The following CCN2 variants were observed in gnomAD, a reference collection of about 807,000 sequenced individuals.
CCN2 encodes CCN family member 2.
CCN2 carries 22 observed loss-of-function variants against 33.2 expected under a neutral mutation model. The observed-to-expected ratio is 0.66, with a 90% CI of 0.47 to 0.95. The LOEUF is 0.95. Among genes scored for constraint, CCN2 ranks in the 40% least tolerant of loss-of-function variants. The probability of loss-of-function intolerance (pLI) is 0.00; values close to 1 mark genes in which losing one functional copy is unlikely to be tolerated. For synonymous variants in CCN2, 178 were observed against 200.6 expected (o/e 0.89, Z 0.95); for missense variants, 469 against 498.8 (o/e 0.94, Z 0.57).
In CCN2 at chr6:131,949,343, G is replaced by C. The variant is rs760206555; in HGVS notation, c.971C>G (p.Ala324Gly). 2.5e-6 allele frequency: 4 copies of C among 1,614,162 alleles called. No individual in the cohort carries two copies. Among genetic ancestry groups the C allele is most frequent in the Non-Finnish European group, 3.4e-6 (4 of 1,180,004 alleles). ...GTCTCCGGGACAGTTGTAATGGCAG[G>C]CACAGGTCTTGATGAACATCATGTT... is the stretch of plus-strand genomic sequence containing the variant. ...KKNMMFIKTC[A>G]CHYNCPGDND... The change falls in exon 5 of 5, where the codon GCC becomes GGC. Residue 324 changes from alanine to glycine, a missense_variant. Transcript: ENST00000367976.
intron 4 of CCN2, 151 bp from the exon 5 acceptor site, chr6:131,949,711 G>A: frequency 4.4e-6 from 4 of 899,994 alleles, no homozygotes; most frequent in Non-Finnish European, 6.8e-6. Context: ...CATTTGCTAT[G>A]TCCAAAAATA....
Position 131,949,998 on chromosome 6 carries a change from C to T in CCN2, c.704G>A (p.Arg235His). Residue 235 changes from arginine to histidine, a missense_variant, in exon 4 of 5, where the codon CGC becomes CAC. Transcript: ENST00000367976. ...TTCGCAAGGCCTGACCATGCACAGG[C>T]GGCTCTGCTTCTCTAGCCTGCAGGA... is the stretch of plus-strand genomic sequence containing the variant. ...NASCRLEKQS[R>H]LCMVRPCEAD... The T allele has an allele frequency of 1.9e-6, 3 of 1,614,230 alleles. No homozygotes were observed. The highest frequency in any genetic ancestry group is 2.5e-6 in the Non-Finnish European group (3 of 1,180,042).
Position 131,949,277 on chromosome 6 carries a change from C to T in CCN2, c.1037G>A (p.Gly346Glu), listed in dbSNP as rs1286434015. 1.2e-6 allele frequency: 2 copies of T among 1,613,704 alleles called. No homozygotes were observed. Among genetic ancestry groups the T allele is most frequent in the African/African-American group, 1.3e-5 (1 of 74,936 alleles). Residue 346 changes from glycine (G) to glutamate (E), a missense_variant, in exon 5 of 5, where the codon GGA becomes GAA. Transcript: ENST00000367976. ...FESLYYRKMY[G>E]DMA The stretch of plus-strand genomic sequence containing the variant: ...CACTCTCTGGCTTCATGCCATGTCT[C>T]CGTACATCTTCCTGTAGTACAGCGA...
chr6:131,948,664 A>C lies in CCN2; in HGVS notation c.*600T>G, dbSNP rs574681026. On this transcript the variant is annotated 3_prime_UTR_variant, in exon 5 of 5. Coordinates refer to ENST00000367976, the MANE Select transcript of CCN2 (RefSeq NM_001901.4). ...ATATACACACACACACACACACACAATATTTACAATATAAATTTTAAAAAA... is the reference window on the plus strand; with the variant it reads ...ATATACACACACACACACACACACACTATTTACAATATAAATTTTAAAAAA... The C allele has an allele frequency of 6.4e-6, 1 of 157,012 alleles. No individual in the cohort carries two copies. The highest frequency in any genetic ancestry group is 1.4e-5 in the Non-Finnish European group (1 of 70,658). 9.7% of individuals were successfully genotyped at this position (157,012 alleles called of 1,614,324 possible).
At position 131,949,575 on chromosome 6, in the gene CCN2, G is replaced by C. The variant is rs780715483; in HGVS notation, c.754-15C>G. On this transcript the variant is annotated splice_polypyrimidine_tract_variant and intron_variant, in intron 4 of 4. Transcript: ENST00000367976. ...TTTTTGCCCTTCTAAGGAAGACAAG[G>C]GAAAAGAGAGAGGAAAAAAAAAAAT... is the stretch of plus-strand genomic sequence containing the variant. 6.6e-7 allele frequency: 1 copy of C among 1,512,756 alleles called. No individual in the cohort carries two copies. The highest frequency in any genetic ancestry group is 1.1e-5 in the South Asian group (1 of 88,312). The allele number at this position is 1,512,756 out of a possible 1,614,324, so 93.7% of individuals were successfully genotyped here. A position where few individuals can be genotyped will look rare whatever the true frequency, so the allele number is the denominator to read the frequency against.
chr6:131,949,836 T>TA (rs111274511), intron 4 of CCN2, 113 bp downstream of exon 4: 19,060 of 1,046,788 alleles, frequency 0.018, 310 homozygotes, highest in African/African-American at 0.06. Context: ...GCTCAATGGT[T>TA]AGATAGTTTT....
In CCN2 at chr6:131,951,088, G is replaced by A; in HGVS notation, c.66+19C>T. ...CTCCCTGGCAGCCGCCGGCCGCAGC[G>A]GGGGCTCCCGGCGCTTACCCGGCTG... On this transcript the variant is annotated intron_variant, in intron 1 of 4. Transcript: ENST00000367976. The A allele has an allele frequency of 7.6e-7, 1 of 1,309,188 alleles. No homozygotes were observed. The highest frequency in any genetic ancestry group is 9.7e-7 in the Non-Finnish European group (1 of 1,030,222). The allele number at this position is 1,309,188 out of a possible 1,614,324, so 81.1% of individuals were successfully genotyped here.
In CCN2 at chr6:131,948,323, TAG is replaced by T. The variant is rs1783048893; in HGVS notation, c.*939_*940del. ...CAGGTGAAAAAACTGATCAGCTATA[TAG>T]AGTCACTCAGTTTTTAATAAAGGCC... On this transcript the variant is annotated 3_prime_UTR_variant, in exon 5 of 5. Coordinates refer to ENST00000367976, the MANE Select transcript of CCN2 (RefSeq NM_001901.4). The T allele has an allele frequency of 6.6e-6, 1 of 152,582 alleles. No individual in the cohort carries two copies. Among genetic ancestry groups the T allele is most frequent in the Non-Finnish European group, 1.5e-5 (1 of 68,016 alleles). 9.5% of individuals were successfully genotyped at this position (152,582 alleles called of 1,614,324 possible). A position where few individuals can be genotyped will look rare whatever the true frequency, so the allele number is the denominator to read the frequency against.
rs774929294 is a variant in CCN2, at chr6:131,949,333, G to C, written c.981C>G (p.Tyr327Ter). The C allele has an allele frequency of 2.5e-6, 4 of 1,614,096 alleles. No homozygotes were observed. The highest frequency in any genetic ancestry group is 3.4e-6 in the Non-Finnish European group (4 of 1,180,042). Residue 327 changes from tyrosine (Y) to a stop codon, truncating the protein, a stop_gained, in exon 5 of 5, where the codon TAC (tyrosine) becomes TAG (stop). Transcript: ENST00000367976. LOFTEE classifies it high-confidence loss of function. ...AGATGTCATTGTCTCCGGGACAGTTGTAATGGCAGGCACAGGTCTTGATGA... is the reference window on the plus strand; with the variant it reads ...AGATGTCATTGTCTCCGGGACAGTTCTAATGGCAGGCACAGGTCTTGATGA... The part of the protein sequence containing the change: ...MMFIKTCACH[Y>*]NCPGDNDIFE...
In CCN2 at chr6:131,950,298, G is replaced by T; in HGVS notation, c.535C>A (p.Leu179Ile). The T allele has an allele frequency of 6.2e-7, 1 of 1,613,464 alleles. No homozygotes were observed. Among genetic ancestry groups the T allele is most frequent in the Non-Finnish European group, 8.5e-7 (1 of 1,179,466 alleles). The change falls in exon 3 of 5, where the codon CTC (leucine) becomes ATC (isoleucine). Residue 179 changes from leucine to isoleucine, a missense_variant. Transcript: ENST00000367976. The surrounding 1 kb of genome is among the most constrained non-coding windows in gnomAD (Gnocchi z 7.1). Reference protein sequence around the residue: ...PKDQTVVGPALAAYRLEDTFG... With the variant: ...PKDQTVVGPAIAAYRLEDTFG... Reference sequence around the variant, plus strand: ...AGAGGAAGACTCGACTCACCCGCGAGGGCAGGCCCAACCACGGTTTGGTCC... The same window carrying T: ...AGAGGAAGACTCGACTCACCCGCGATGGCAGGCCCAACCACGGTTTGGTCC...
In CCN2 at chr6:131,950,539, T is replaced by C; in HGVS notation, c.294A>G (p.Lys98=). Residue 98 remains lysine (K), a synonymous_variant, in exon 3 of 5, where the codon AAA becomes AAG. Coordinates refer to ENST00000367976, the MANE Select transcript of CCN2 (RefSeq NM_001901.4). This position sits in a 1 kb window ranked among gnomAD's most constrained non-coding sequence, Gnocchi z 7.1. ...ANRKIGVCTA[K]DGAPCIFGGT... is the part of the protein sequence containing the mutation. ...CACCGAAGATGCAGGGAGCACCATC[T>C]TTGGCTGGAGAAGAGGAAGGGAAGA... The C allele has an allele frequency of 6.2e-7, 1 of 1,612,794 alleles. No individual in the cohort carries two copies. The highest frequency in any genetic ancestry group is 2.2e-5 in the East Asian group (1 of 44,836).
rs1783060400 is a variant in CCN2 at position 131,949,124 on chromosome 6, G to T, written c.*140C>A. 1.3e-6 allele frequency: 1 copy of T among 744,188 alleles called. No individual in the cohort carries two copies. The highest frequency in any genetic ancestry group is 2.2e-6 in the Non-Finnish European group (1 of 449,942). 46.1% of individuals were successfully genotyped at this position (744,188 alleles called of 1,614,324 possible). A position where few individuals can be genotyped will look rare whatever the true frequency, so the allele number is the denominator to read the frequency against. ...TTTGTTTGACATGGCACAATGTTTT[G>T]AATTGGGTGGGAATCTTTTCCCCCA... On this transcript the variant is annotated 3_prime_UTR_variant, in exon 5 of 5. Transcript: ENST00000367976.
Position 131,949,571 on chromosome 6 carries a change from CA to C in CCN2, c.754-12del. 1.3e-6 allele frequency: 1 copy of C among 759,672 alleles called. No homozygotes were observed. Among genetic ancestry groups the C allele is most frequent in the Non-Finnish European group, 2.1e-6 (1 of 477,944 alleles). The allele number at this position is 759,672 out of a possible 1,614,324, so 47.1% of individuals were successfully genotyped here. A position where few individuals can be genotyped will look rare whatever the true frequency, so the allele number is the denominator to read the frequency against. On this transcript the variant is annotated splice_polypyrimidine_tract_variant and intron_variant, in intron 4 of 4. Transcript: ENST00000367976. ...GCACTTTTTGCCCTTCTAAGGAAGA[CA>C]AGGGAAAAGAGAGAGGAAAAAAAAA...
At position 131,949,363 on chromosome 6, in the gene CCN2, C is replaced by T. The variant is rs1345132458; in HGVS notation, c.951G>A (p.Met317Ile). 1 of 1,614,168 alleles carries T rather than the reference C, an allele frequency of 6.2e-7. No individual in the cohort carries two copies. ...GGCAGGCACAGGTCTTGATGAACATCATGTTCTTCTTCATGACCTCGCCGT... is the reference window on the plus strand; with the variant it reads ...GGCAGGCACAGGTCTTGATGAACATTATGTTCTTCTTCATGACCTCGCCGT... ...CPDGEVMKKN[M>I]MFIKTCACHY... Residue 317 changes from methionine to isoleucine, a missense_variant, in exon 5 of 5, where the codon ATG becomes ATA. Met to Ile is a conservative substitution (Grantham distance 10, BLOSUM62 1). Transcript: ENST00000367976.
chr6:131,951,036 A>G, intron 1 of CCN2, 44 bp from the exon 2 acceptor site: 1 of 1,255,758 alleles, frequency 8.0e-7, no homozygotes, highest in Non-Finnish European at 9.9e-7. Context: ...GTCGGCGCGC[A>G]CGCCCTCCCC....
Position 131,951,065 on chromosome 6 carries a change from C to T in CCN2, c.66+42G>A, listed in dbSNP as rs113144034. The T allele has an allele frequency of 2.1e-3, 2,660 of 1,287,356 alleles. 6 individuals are homozygous for T. Among genetic ancestry groups the T allele is most frequent in the Non-Finnish European group, 2.5e-3 (2,522 of 1,019,810 alleles). The allele number at this position is 1,287,356 out of a possible 1,614,324, so 79.7% of individuals were successfully genotyped here. The stretch of plus-strand genomic sequence containing the variant: ...CCTCCCCGGCCGGCCCCGAGTCCCT[C>T]CCTGGCAGCCGCCGGCCGCAGCGGG... On this transcript the variant is annotated intron_variant, in intron 1 of 4. Coordinates refer to ENST00000367976, the MANE Select transcript of CCN2 (RefSeq NM_001901.4).
chr6:131,949,385 C>A lies in CCN2; in HGVS notation c.929G>T (p.Gly310Val). Reference protein sequence around the residue: ...TLPVEFKCPDGEVMKKNMMFI... With the variant: ...TLPVEFKCPDVEVMKKNMMFI... ...CATCATGTTCTTCTTCATGACCTCGCCGTCAGGGCACTTGAACTCCACCGG... is the reference window on the plus strand; with the variant it reads ...CATCATGTTCTTCTTCATGACCTCGACGTCAGGGCACTTGAACTCCACCGG... Residue 310 changes from glycine to valine, a missense_variant, in exon 5 of 5, where the codon GGC becomes GTC. By Grantham distance (109) the Gly-to-Val change is moderately radical. Transcript: ENST00000367976. 1 of 1,614,164 alleles carries A rather than the reference C, an allele frequency of 6.2e-7. No individual in the cohort carries two copies. Among genetic ancestry groups the A allele is most frequent in the Non-Finnish European group, 8.5e-7 (1 of 1,180,032 alleles).
At position 131,950,050 on chromosome 6, in the gene CCN2, A is replaced by C. The variant is rs1783080941; in HGVS notation, c.652T>G (p.Ser218Ala). 6.2e-7 allele frequency: 1 copy of C among 1,614,094 alleles called. No individual in the cohort carries two copies. The highest frequency in any genetic ancestry group is 1.3e-5 in the African/African-American group (1 of 74,928). ...ACSKTCGMGI[S>A]TRVTNDNASC... ...GCGTTGTCATTGGTAACCCGGGTGG[A>C]GATGCCCATCCCACAGGTCTTGGAA... is the stretch of plus-strand genomic sequence containing the variant. Residue 218 changes from serine to alanine, a missense_variant, in exon 4 of 5, where the codon TCC becomes GCC. Physicochemically the swap from Ser to Ala is moderately conservative, Grantham distance 99 (BLOSUM62 1). Coordinates refer to ENST00000367976, the MANE Select transcript of CCN2 (RefSeq NM_001901.4). This position sits in a 1 kb window ranked among gnomAD's most constrained non-coding sequence, Gnocchi z 7.1.
At position 131,950,707 on chromosome 6, in the gene CCN2, C is replaced by T. The variant is rs1783092543; in HGVS notation, c.289+63G>A. On this transcript the variant is annotated intron_variant, in intron 2 of 4. Coordinates refer to ENST00000367976, the MANE Select transcript of CCN2 (RefSeq NM_001901.4). This position sits in a 1 kb window ranked among gnomAD's most constrained non-coding sequence, Gnocchi z 7.1. The stretch of plus-strand genomic sequence containing the variant: ...CAGTCCGAGCGGTTTCTTTTTCCAG[C>T]GGGCGGGTGGGCGTGAGGGAGGAGG... 3 of 1,431,460 alleles carry T rather than the reference C, an allele frequency of 2.1e-6. No individual in the cohort carries two copies. Among genetic ancestry groups the T allele is most frequent in the African/African-American group, 1.4e-5 (1 of 68,970 alleles). 88.7% of individuals were successfully genotyped at this position (1,431,460 alleles called of 1,614,324 possible).
Sources: gnomAD v4.1 joint callset for allele counts on GRCh38, gnomAD v4.1.1 for gene constraint, Gnocchi (gnomAD v3.1) non-coding constraint, MANE v1.5 for transcripts, NCBI Gene and HGNC (gene_info 2026-07-23, HGNC 2026-07-21) for gene names.